The following CLYBL variants were observed in gnomAD, a reference collection of about 807,000 sequenced individuals.
CLYBL encodes the protein citramalyl-CoA lyase, also known as citramalyl-CoA lyase, mitochondrial.
A neutral mutation model predicts 38.9 loss-of-function variants in CLYBL; 31 were observed. That is an observed-to-expected ratio of 0.80 (90% confidence interval 0.60 to 1.08). The LOEUF is 1.08. Among genes scored for constraint, CLYBL ranks in the 50% least tolerant of loss-of-function variants. The pLI is 0.00. For missense variants in CLYBL, 434 were observed against 411.6 expected, an observed-to-expected ratio of 1.05 and a Z score of -0.47; for synonymous variants, 171 against 158.6, an observed-to-expected ratio of 1.08 and a Z score of -0.59.
At chr13:99,648,101 G>A (rs187513589) in intron 1 of CLYBL, among the ~76,000 whole-genome samples, 2 of 152,192 alleles carry the variant, frequency 1.3e-5, no homozygotes, top group East Asian at 3.9e-4. Flanking sequence ...CATGCACCAG[G>A]TTTTCCATTA....
chr13:99,882,889 A>G (rs9554646), intron 7 of CLYBL, among the ~76,000 whole-genome samples: 40,577 of 151,438 alleles, frequency 0.27, 5,716 homozygotes, highest in East Asian at 0.41. Flanking sequence ...CCCTAGATCT[A>G]CCCTTCCCCT....
chr13:99,792,273 C>T (rs1429780660), intron 2 of CLYBL, among the ~76,000 whole-genome samples: 1 of 152,166 alleles, frequency 6.6e-6, no homozygotes, highest in Non-Finnish European at 1.5e-5. Context: ...AGGCTGGACA[C>T]TGAGCAAGAC....
chr13:99,870,590 A>G (rs567232412), intron 6 of CLYBL, among the ~76,000 whole-genome samples: 3 of 152,292 alleles, frequency 2.0e-5, no homozygotes, highest in Admixed American at 1.3e-4. Context: ...AATCCCTCTA[A>G]TTTGCAGACA....
At chr13:99,756,653 T>C (rs1218765429) in intron 1 of CLYBL, among the ~76,000 whole-genome samples, 1 of 152,128 alleles carries the variant, frequency 6.6e-6, no homozygotes, top group African/African-American at 2.4e-5. Context: ...TGTTAGTGTA[T>C]TTTATGTGGA....
intron 2 of CLYBL, among the ~76,000 whole-genome samples, chr13:99,853,489 C>T (rs1484110428): frequency 1.3e-5 from 2 of 152,330 alleles, no homozygotes; most frequent in African/African-American, 2.4e-5. Context: ...AGTTAACCTA[C>T]AGTATGCTCA....
chr13:99,870,800 G>A, intron 6 of CLYBL, 138 bp from the exon 7 acceptor site: 1 of 775,684 alleles, frequency 1.3e-6, no homozygotes, highest in East Asian at 2.9e-5. Context: ...GTTTTGTTTT[G>A]TTTACTCAAT....
chr13:99,873,110 A>G (rs1195425057), intron 7 of CLYBL, among the ~76,000 whole-genome samples: 14 of 152,186 alleles, frequency 9.2e-5, no homozygotes. Flanking sequence ...TGTTTCCTAT[A>G]GCAAATTCTC....
chr13:99,885,629 C>CT (rs1262818989), intron 7 of CLYBL, among the ~76,000 whole-genome samples: 1 of 152,144 alleles, frequency 6.6e-6, no homozygotes, highest in African/African-American at 2.4e-5. Context: ...CAGGAGCCAG[C>CT]TTTGGAGCCG....
intron 1 of CLYBL, among the ~76,000 whole-genome samples, chr13:99,729,865 C>A (rs896611036): frequency 3.3e-5 from 5 of 152,214 alleles, no homozygotes; most frequent in African/African-American, 1.2e-4. Flanking sequence ...CCCCCGCCAG[C>A]CTCGGCACCG....
chr13:99,795,406 C>A (rs2050001472), intron 2 of CLYBL, among the ~76,000 whole-genome samples: 1 of 152,098 alleles, frequency 6.6e-6, no homozygotes, highest in African/African-American at 2.4e-5. Flanking sequence ...GTAATCCTAG[C>A]ACTTTGGGAG....
chr13:99,608,657 C>T (rs191079270), intron 1 of CLYBL, among the ~76,000 whole-genome samples: 5 of 152,224 alleles, frequency 3.3e-5, no homozygotes, highest in Admixed American at 2.0e-4. Context: ...GGGGTTAACT[C>T]AGTGCTCCTC....
At chr13:99,859,384 G>A (rs1029781239) in intron 3 of CLYBL, among the ~76,000 whole-genome samples, 2 of 152,086 alleles carry the variant, frequency 1.3e-5, no homozygotes, top group Non-Finnish European at 2.9e-5. Context: ...CACCCTGCCC[G>A]GCCCTAAGCC....
chr13:99,861,484 T>C (rs1213135499), intron 3 of CLYBL, among the ~76,000 whole-genome samples: 1 of 152,220 alleles, frequency 6.6e-6, no homozygotes, highest in Non-Finnish European at 1.5e-5. Flanking sequence ...AAACCACTAA[T>C]ACTGTGCTAC....
rs371221316 is a variant in CLYBL, at chr13:99,708,233, G to A, written c.63-64591G>A. Among the ~76,000 whole-genome samples the A allele has an allele frequency of 2.5e-4, 38 of 152,202 alleles. 2 individuals are homozygous for A. The South Asian group carries it at 6.2e-3, about 25-fold the overall frequency. ...TGACCTCAGGTGATCCACCCGCCTTGGCCTCCCAAAGTGCTAGGATTACAG... is the reference window on the plus strand; with the variant it reads ...TGACCTCAGGTGATCCACCCGCCTTAGCCTCCCAAAGTGCTAGGATTACAG... On this transcript the variant is annotated intron_variant, in intron 1 of 8. Transcript: ENST00000339105.
intron 2 of CLYBL, among the ~76,000 whole-genome samples, chr13:99,778,279 A>G (rs1242392539): frequency 6.6e-6 from 1 of 152,164 alleles, no homozygotes; most frequent in Non-Finnish European, 1.5e-5. Flanking sequence ...TTGATGGAGG[A>G]CATAGAGACC....
At chr13:99,889,120 T>G (rs2052423296) in intron 7 of CLYBL, among the ~76,000 whole-genome samples, 1 of 152,230 alleles carries the variant, frequency 6.6e-6, no homozygotes, top group Non-Finnish European at 1.5e-5. Flanking sequence ...AAGTGTTTTT[T>G]ATCTTTGATG....
At chr13:99,793,804 T>C (rs1594186909) in intron 2 of CLYBL, among the ~76,000 whole-genome samples, 1 of 151,484 alleles carries the variant, frequency 6.6e-6, no homozygotes, top group Non-Finnish European at 1.5e-5. Context: ...CTGAGTATGA[T>C]CTATAATGTG....
chr13:99,870,953 A>T lies in CLYBL; in HGVS notation c.818A>T (p.His273Leu). 1 of 1,611,196 alleles carries T rather than the reference A, an allele frequency of 6.2e-7. No individual in the cohort carries two copies. Among genetic ancestry groups the T allele is most frequent in the African/African-American group, 1.3e-5 (1 of 74,834 alleles). Residue 273 changes from histidine (H) to leucine (L), a missense_variant, in exon 7 of 9, where the codon CAC (histidine) becomes CTC (leucine). Physicochemically the swap from His to Leu is moderately conservative, Grantham distance 99 (BLOSUM62 -3). Coordinates refer to ENST00000339105, the MANE Select transcript of CLYBL (RefSeq NM_206808.5). ...ATTCTTGTAGGTAAGCAGGTGATTCACCCTAACCAAATTGCCGTGGTCCAG... is the reference window on the plus strand; with the variant it reads ...ATTCTTGTAGGTAAGCAGGTGATTCTCCCTAACCAAATTGCCGTGGTCCAG... ...AMGFTGKQVI[H>L]PNQIAVVQEQ...
At chr13:99,777,254 C>T (rs374535157) in intron 2 of CLYBL, among the ~76,000 whole-genome samples, 7 of 152,100 alleles carry the variant, frequency 4.6e-5, no homozygotes, top group East Asian at 3.8e-4. Flanking sequence ...AATCTTTTCA[C>T]GCAGATATTA....
Sources: allele counts gnomAD v4.1 joint callset (sites outside exome capture counted in the v4.1 genomes callset), GRCh38; gene constraint gnomAD v4.1.1; transcripts MANE v1.5; gene names NCBI Gene and HGNC (gene_info 2026-07-23, HGNC 2026-07-21).